Variants in AOPEP observed in about 807,000 individuals in gnomAD.
The protein encoded by AOPEP is aminopeptidase O (putative), also known as aminopeptidase O.
Under a neutral mutation model 98.1 loss-of-function variants are expected in AOPEP, and 77 were observed. The observed-to-expected ratio is 0.78, with a 90% CI of 0.65 to 0.95. AOPEP has a LOEUF of 0.95. Ranked by LOEUF, AOPEP falls within the 40% of genes least tolerant of loss-of-function variation. The pLI is 0.00. For synonymous variants in AOPEP, 346 were observed against 365.3 expected (o/e 0.95, Z 0.60); for missense variants, 1,024 against 1,024.7 (o/e 1.00, Z 0.01).
chr9:94,951,320 A>C (rs1320112152), intron 7 of AOPEP, among the ~76,000 whole-genome samples: 2 of 152,220 alleles, frequency 1.3e-5, no homozygotes, highest in Non-Finnish European at 2.9e-5. Flanking sequence ...TTCTCCACTT[A>C]GTACTTGGCA....
At chr9:95,007,143 G>C (rs2062088818) in intron 13 of AOPEP, among the ~76,000 whole-genome samples, 1 of 152,068 alleles carries the variant, frequency 6.6e-6, no homozygotes, top group South Asian at 2.1e-4. Flanking sequence ...TTCGTGATCT[G>C]CCCGCCTCGG....
chr9:95,010,475 G>A lies in AOPEP; in HGVS notation c.2115+4859G>A, dbSNP rs1340846573. On this transcript the variant is annotated intron_variant, in intron 13 of 16. Coordinates refer to ENST00000375315, the MANE Select transcript of AOPEP (RefSeq NM_001193329.3). ...CCCTTCACTTTGTAGGAACTACCCCGCTTTCAGCAAATAGTAGGCTTAGGC... is the reference window on the plus strand; with the variant it reads ...CCCTTCACTTTGTAGGAACTACCCCACTTTCAGCAAATAGTAGGCTTAGGC... Among the ~76,000 whole-genome samples the A allele has an allele frequency of 3.3e-5, 5 of 152,162 alleles. No individual in the cohort carries two copies. In the South Asian group the frequency reaches 6.2e-4, roughly 19 times the overall value.
the AOPEP span, among the ~76,000 whole-genome samples, chr9:95,098,385 T>TA: frequency 5.9e-5 from 9 of 152,256 alleles, no homozygotes; most frequent in Admixed American, 2.0e-4. Flanking sequence ...TCCCACCACT[T>TA]AGACACCAGG....
At chr9:94,942,984 C>T (rs538379759) in intron 7 of AOPEP, among the ~76,000 whole-genome samples, 10 of 149,678 alleles carry the variant, frequency 6.7e-5, no homozygotes, top group African/African-American at 2.4e-4. Flanking sequence ...ATCAAAAACC[C>T]AAATATAAAA....
Position 94,747,041 on chromosome 9 carries a change from G to GGTTTT in AOPEP, c.-135-12608_-135-12607insGTTTT, listed in dbSNP as rs1564058953. 2.1e-5 allele frequency among the ~76,000 whole-genome samples: 3 copies of GGTTTT among 143,526 alleles called. 1 individual carries two copies. Among genetic ancestry groups the GGTTTT allele is most frequent in the Non-Finnish European group, 3.1e-5 (2 of 65,084 alleles). The allele number at this position is 143,526 out of a possible 152,430, so 94.2% of individuals were successfully genotyped here. On this transcript the variant is annotated intron_variant, in intron 1 of 16. Transcript: ENST00000375315. ...CCCACAACAGCATTAACTCCAGTGG[G>GGTTTT]TTTTTTTTTTTTTTTTGAATATACA...
chr9:95,086,136 C>G (rs753340810), intron 16 of AOPEP: 7 of 1,358,556 alleles, frequency 5.2e-6, no homozygotes, highest in Non-Finnish European at 3.9e-6. Context: ...GCCCGAGGCT[C>G]AGGAGAGCTG....
At chr9:94,834,661 C>T (rs1425070513) in intron 5 of AOPEP, among the ~76,000 whole-genome samples, 2 of 152,084 alleles carry the variant, frequency 1.3e-5, no homozygotes, top group Non-Finnish European at 2.9e-5. Context: ...ACTGTGGTGA[C>T]GTGCACCTGT....
intron 10 of AOPEP, among the ~76,000 whole-genome samples, chr9:94,975,530 G>T (rs1303494116): frequency 6.6e-6 from 1 of 152,218 alleles, no homozygotes; most frequent in Non-Finnish European, 1.5e-5. Context: ...CAAATTGTAT[G>T]CAGCCACATG....
chr9:95,149,509 C>T, the AOPEP span, among the ~76,000 whole-genome samples: 8 of 150,360 alleles, frequency 5.3e-5, no homozygotes, highest in African/African-American at 2.0e-4. Context: ...GATGGAGTCT[C>T]GCTCTGTTGC....
At chr9:94,786,701 A>G (rs1241362406) in intron 3 of AOPEP, among the ~76,000 whole-genome samples, 1 of 152,238 alleles carries the variant, frequency 6.6e-6, no homozygotes, top group Admixed American at 6.5e-5. Context: ...CAGGGAACTA[A>G]TGAAAATCTT....
intron 11 of AOPEP, among the ~76,000 whole-genome samples, chr9:95,000,831 C>A (rs1317189274): frequency 6.7e-6 from 1 of 149,060 alleles, no homozygotes; most frequent in Non-Finnish European, 1.5e-5. Context: ...TGTGTAGATT[C>A]CTACTTTTAA....
At chr9:94,986,532 G>A (rs1295687933) in intron 11 of AOPEP, among the ~76,000 whole-genome samples, 2 of 152,130 alleles carry the variant, frequency 1.3e-5, no homozygotes, top group Admixed American at 1.3e-4. Context: ...ATTCCCCTAT[G>A]GATGAATATG....
chr9:95,063,681 G>A (rs138874934), intron 14 of AOPEP, among the ~76,000 whole-genome samples: 37 of 152,322 alleles, frequency 2.4e-4, no homozygotes, highest in African/African-American at 8.7e-4. Context: ...GGTAGCACCC[G>A]TTCTTCCCTT....
chr9:94,882,461 A>G (rs1450670347), intron 5 of AOPEP, among the ~76,000 whole-genome samples: 1 of 152,228 alleles, frequency 6.6e-6, no homozygotes, highest in Non-Finnish European at 1.5e-5. Flanking sequence ...CCTCCCAACT[A>G]AACAATCTTA....
chr9:94,941,731 T>G (rs577437228), intron 7 of AOPEP, among the ~76,000 whole-genome samples: 1 of 152,332 alleles, frequency 6.6e-6, no homozygotes, highest in East Asian at 1.9e-4. Context: ...CACTCAGGTC[T>G]TTCTAAGGGG....
intron 5 of AOPEP, among the ~76,000 whole-genome samples, chr9:94,828,704 A>G (rs1415748303): frequency 6.6e-6 from 1 of 152,014 alleles, no homozygotes; most frequent in East Asian, 1.9e-4. Flanking sequence ...TAAAAAAGCA[A>G]ACAGACCAAT....
chr9:94,935,912 G>T (rs2056199802), intron 7 of AOPEP, among the ~76,000 whole-genome samples: 2 of 152,050 alleles, frequency 1.3e-5, no homozygotes, highest in African/African-American at 4.8e-5. Flanking sequence ...TGTACTCATC[G>T]CTGGTGGCAC....
intron 7 of AOPEP, among the ~76,000 whole-genome samples, chr9:94,935,736 C>CT (rs943872393): frequency 9.2e-5 from 14 of 152,248 alleles, no homozygotes; most frequent in African/African-American, 3.4e-4. Flanking sequence ...CCGGCCATAC[C>CT]CCCTTTTAAG....
chr9:95,075,809 C>G (rs968649474), intron 14 of AOPEP, among the ~76,000 whole-genome samples: 1 of 152,190 alleles, frequency 6.6e-6, no homozygotes, highest in Non-Finnish European at 1.5e-5. Flanking sequence ...ATCGCTTGAG[C>G]CTGGGAGGTG....
Sources: gnomAD v4.1 joint callset for allele counts (sites outside exome capture counted in the v4.1 genomes callset) on GRCh38, gnomAD v4.1.1 for gene constraint, MANE v1.5 for transcripts, NCBI Gene and HGNC (gene_info 2026-07-23, HGNC 2026-07-21) for gene names.